The following WBP1L variants were observed in gnomAD, a reference collection of about 807,000 sequenced individuals.
The protein encoded by WBP1L is WW domain binding protein 1 like.
In WBP1L, 17 loss-of-function variants were observed where a neutral mutation model predicts 33.7. That is an observed-to-expected ratio of 0.50 (90% CI 0.34 to 0.76). The LOEUF (loss-of-function observed/expected upper bound fraction) is 0.76, where lower values mean the gene tolerates loss of function less well. Ranked by LOEUF, WBP1L falls within the 30% of genes least tolerant of loss-of-function variation. The pLI, the probability that WBP1L is intolerant of heterozygous loss-of-function variation, is 0.01. For synonymous variants in WBP1L, 173 were observed against 190.8 expected (o/e 0.91, Z 0.77); for missense variants, 389 against 469.4 (o/e 0.83, Z 1.58).
intron 1 of WBP1L, among the ~76,000 whole-genome samples, chr10:102,768,322 C>T (rs1222543299): frequency 6.6e-6 from 1 of 151,302 alleles, no homozygotes; most frequent in Non-Finnish European, 1.5e-5. Context: ...GTTCCACCCA[C>T]CTTGGCTTCC....
intron 1 of WBP1L, among the ~76,000 whole-genome samples, chr10:102,784,054 AT>A: frequency 6.6e-6 from 1 of 152,250 alleles, no homozygotes; most frequent in African/African-American, 2.4e-5. Flanking sequence ...GTACAGAGTC[AT>A]TTTTTGTGGG....
At chr10:102,772,778 C>T (rs1843208783) in intron 1 of WBP1L, among the ~76,000 whole-genome samples, 1 of 151,362 alleles carries the variant, frequency 6.6e-6, no homozygotes, top group Non-Finnish European at 1.5e-5. Flanking sequence ...CCATGTTGCC[C>T]AAGCTGGTTT....
In WBP1L at chr10:102,760,402, GT is replaced by G. The variant is rs1407258215; in HGVS notation, c.90+16263del. 3.2e-5 allele frequency among the ~76,000 whole-genome samples: 4 copies of G among 124,508 alleles called. No homozygotes were observed. In the East Asian group the frequency reaches 9.5e-4, roughly 30 times the overall value. The allele number at this position is 124,508 out of a possible 152,430, so 81.7% of individuals were successfully genotyped here. Reference sequence around the variant, plus strand: ...TTTTTTTTTTTTTTTTTGAGGTGGAGTTTTGCTCTTGTAGCCCAGGCTGGAG... The same window carrying G: ...TTTTTTTTTTTTTTTTTGAGGTGGAGTTTGCTCTTGTAGCCCAGGCTGGAG... On this transcript the variant is annotated intron_variant, in intron 1 of 3. Transcript: ENST00000448841.
chr10:102,749,954 A>ATT (rs550978697), intron 1 of WBP1L, among the ~76,000 whole-genome samples: 2 of 149,576 alleles, frequency 1.3e-5, no homozygotes, highest in African/African-American at 4.9e-5. Context: ...TTTTTTTTGT[A>ATT]TTTTTTTTGT....
chr10:102,787,971 C>T (rs888450156), intron 1 of WBP1L, among the ~76,000 whole-genome samples: 8 of 149,028 alleles, frequency 5.4e-5, no homozygotes, highest in African/African-American at 9.9e-5. Flanking sequence ...CCCAGCTACT[C>T]GGGAGGCTGA....
Position 102,813,431 on chromosome 10 carries a change from G to C in WBP1L, c.*100G>C, listed in dbSNP as rs1028445307. The stretch of plus-strand genomic sequence containing the variant: ...GACTTTCAAAGACTTTCAGAGTACA[G>C]CCACTTGGTTCCTTTTTGTTTGTTT... On this transcript the variant is annotated 3_prime_UTR_variant, in exon 4 of 4. Transcript: ENST00000448841. 4 of 1,432,574 alleles carry C rather than the reference G, an allele frequency of 2.8e-6. No individual in the cohort carries two copies. The highest frequency in any genetic ancestry group is 3.7e-6 in the Non-Finnish European group (4 of 1,082,782). 88.7% of individuals were successfully genotyped at this position (1,432,574 alleles called of 1,614,324 possible).
At chr10:102,776,439 G>A (rs756210362) in intron 1 of WBP1L, 7 of 1,614,062 alleles carry the variant, frequency 4.3e-6, no homozygotes, top group African/African-American at 1.3e-5. Flanking sequence ...TGCACGGATC[G>A]GGTTTGGAAG....
Position 102,768,371 on chromosome 10 carries a change from GTTTTTTTT to G in WBP1L, c.90+24246_90+24253del, listed in dbSNP as rs1192088947. On this transcript the variant is annotated intron_variant, in intron 1 of 3. Coordinates refer to ENST00000448841, the MANE Select transcript of WBP1L (RefSeq NM_001083913.2). ...CCATTGCGCCTGGCATTAGTTTTTTGTTTTTTTTTTTTTTTTTTTTTTTTTGAGACGGA... is the reference window on the plus strand; with the variant it reads ...CCATTGCGCCTGGCATTAGTTTTTTGTTTTTTTTTTTTTTTTTGAGACGGA... Among the ~76,000 whole-genome samples the G allele has an allele frequency of 4.1e-4, 5 of 12,228 alleles. 1 individual carries two copies. The highest frequency in any genetic ancestry group is 5.4e-4 in the African/African-American group (1 of 1,852). The allele number at this position is 12,228 out of a possible 152,430, so 8.0% of individuals were successfully genotyped here. A position where few individuals can be genotyped will look rare whatever the true frequency, so the allele number is the denominator to read the frequency against.
intron 2 of WBP1L, among the ~76,000 whole-genome samples, chr10:102,806,014 A>T (rs1371987705): frequency 6.6e-6 from 1 of 151,596 alleles, no homozygotes; most frequent in African/African-American, 2.4e-5. Flanking sequence ...CAGCCTGGCC[A>T]ACATGGTGAA....
rs1178069567 is a variant in WBP1L, at chr10:102,813,976, C to G, written c.*645C>G. ...CCATGCGTCCTTGAGGGGCCTCTTC[C>G]CCGCAGGCTCTGGCTGGCCGCAGGC... On this transcript the variant is annotated 3_prime_UTR_variant, in exon 4 of 4. Transcript: ENST00000448841. 2 of 152,300 alleles carry G rather than the reference C, an allele frequency of 1.3e-5. No homozygotes were observed. Among genetic ancestry groups the G allele is most frequent in the African/African-American group, 4.8e-5 (2 of 41,448 alleles). The allele number at this position is 152,300 out of a possible 1,614,324, so 9.4% of individuals were successfully genotyped here.
At chr10:102,761,397 C>T (rs939204168) in intron 1 of WBP1L, among the ~76,000 whole-genome samples, 14 of 151,828 alleles carry the variant, frequency 9.2e-5, no homozygotes, top group Non-Finnish European at 2.1e-4. Flanking sequence ...GCCTCGGCCT[C>T]CCAAAGTGCT....
chr10:102,779,138 C>G (rs1843303247), intron 1 of WBP1L, among the ~76,000 whole-genome samples: 2 of 151,794 alleles, frequency 1.3e-5, no homozygotes, highest in South Asian at 2.1e-4. Context: ...TTCTTTCTAG[C>G]CTGCCTAGGT....
At chr10:102,764,062 C>T (rs1238487761) in intron 1 of WBP1L, among the ~76,000 whole-genome samples, 1 of 152,186 alleles carries the variant, frequency 6.6e-6, no homozygotes, top group African/African-American at 2.4e-5. Flanking sequence ...GATCCGCCTG[C>T]CTCGGCCTCC....
chr10:102,755,209 A>G (rs1433020219), intron 1 of WBP1L, among the ~76,000 whole-genome samples: 1 of 151,844 alleles, frequency 6.6e-6, no homozygotes, highest in Non-Finnish European at 1.5e-5. Context: ...AGCTTCCCAA[A>G]GTGCTGGGAT....
At chr10:102,811,389 C>G (rs771643738) in intron 3 of WBP1L, among the ~76,000 whole-genome samples, 7 of 152,200 alleles carry the variant, frequency 4.6e-5, no homozygotes, top group Non-Finnish European at 1.0e-4. Context: ...TCCCGGACTT[C>G]CCTGGGGCTC....
intron 1 of WBP1L, among the ~76,000 whole-genome samples, chr10:102,779,710 A>T (rs1809458234): frequency 6.6e-6 from 1 of 152,068 alleles, no homozygotes; most frequent in Admixed American, 6.6e-5. Flanking sequence ...ACTTTGAGAG[A>T]CTGTCCTCCA....
chr10:102,747,358 CAA>C (rs71019610), intron 1 of WBP1L, among the ~76,000 whole-genome samples: 82 of 78,968 alleles, frequency 1.0e-3, no homozygotes, highest in East Asian at 3.2e-3. Context: ...GACTCCGTCT[CAA>C]AAAAAAAAAA....
At chr10:102,769,643 A>T (rs1469103688) in intron 1 of WBP1L, among the ~76,000 whole-genome samples, 2 of 152,300 alleles carry the variant, frequency 1.3e-5, no homozygotes, top group African/African-American at 4.8e-5. Flanking sequence ...CTATCTGCAT[A>T]TGTGTCCAAG....
chr10:102,744,433 T>G, intron 1 of WBP1L: 1 of 985,254 alleles, frequency 1.0e-6, no homozygotes, highest in Non-Finnish European at 1.2e-6. Context: ...GGTGCCAAGC[T>G]GAGGATGTGG....
Sources: gnomAD v4.1 joint callset for allele counts (sites outside exome capture counted in the v4.1 genomes callset) on GRCh38, gnomAD v4.1.1 for gene constraint, MANE v1.5 for transcripts, NCBI Gene and HGNC (gene_info 2026-07-23, HGNC 2026-07-21) for gene names.